Variants in ELFN1 observed in about 807,000 individuals in gnomAD.
ELFN1 encodes protein ELFN1.
In ELFN1, 6 loss-of-function variants were observed where a neutral mutation model predicts 7.6. That is an observed-to-expected ratio of 0.79 (90% CI 0.43 to 1.56). The LOEUF is 1.56. ELFN1 is among the 40% of genes most tolerant of loss of function. ELFN1 has a pLI of 0.01. For synonymous variants in ELFN1, 657 were observed against 588.1 expected (o/e 1.12, Z -1.70); for missense variants, 1,169 against 1,232.2 (o/e 0.95, Z 0.77).
chr7:1,667,775 G>T (rs904293661), upstream of ELFN1, among the ~76,000 whole-genome samples: 2 of 152,256 alleles, frequency 1.3e-5, no homozygotes, highest in East Asian at 1.9e-4. This position sits in a 1 kb window ranked among gnomAD's most constrained non-coding sequence, Gnocchi z 8.2. Context: ...TCCTCTCCCC[G>T]GTTCTGGGTC....
intron 1 of ELFN1, among the ~76,000 whole-genome samples, chr7:1,674,071 G>A (rs116492569): frequency 3.2e-4 from 48 of 151,814 alleles, no homozygotes; most frequent in African/African-American, 1.1e-3. Flanking sequence ...CCACTGCTCT[G>A]CTCCCTGCTC....
intron 1 of ELFN1, among the ~76,000 whole-genome samples, chr7:1,671,409 C>T (rs1015649790): frequency 6.6e-6 from 1 of 152,272 alleles, no homozygotes; most frequent in Non-Finnish European, 1.5e-5. Flanking sequence ...TTCCTGCACA[C>T]CCGGAGTGGG....
At chr7:1,710,610 G>A (rs1197355429) in intron 3 of ELFN1, among the ~76,000 whole-genome samples, 1 of 152,230 alleles carries the variant, frequency 6.6e-6, no homozygotes, top group African/African-American at 2.4e-5. Context: ...TGGGGAAACT[G>A]AGGCCCGGGG....
chr7:1,745,577 C>T lies in ELFN1; in HGVS notation c.981C>T (p.Asn327=). Residue 327 remains asparagine (N), a synonymous_variant, in exon 4 of 4, where the codon AAC becomes AAT. Coordinates refer to ENST00000424383, the MANE Select transcript of ELFN1 (RefSeq NM_001128636.4). Reference sequence around the variant, plus strand: ...TCAAGGTCAAGCAGCTCACTCAGAACTCGGCCACCATCACCGTCCAGCTGC... The same window carrying T: ...TCAAGGTCAAGCAGCTCACTCAGAATTCGGCCACCATCACCGTCCAGCTGC... ...PLIKVKQLTQ[N]SATITVQLPS... 6.4e-7 allele frequency: 1 copy of T among 1,550,662 alleles called. No homozygotes were observed. Among genetic ancestry groups the T allele is most frequent in the Non-Finnish European group, 8.7e-7 (1 of 1,146,962 alleles).
chr7:1,681,552 C>G (rs1462864558), intron 1 of ELFN1, among the ~76,000 whole-genome samples: 2 of 152,274 alleles, frequency 1.3e-5, no homozygotes, highest in East Asian at 3.9e-4. Context: ...TTAGTAGAGA[C>G]TGGGTCTCGC....
rs1477009408 is a variant in ELFN1, at chr7:1,746,038, C to T, written c.1442C>T (p.Ala481Val). The T allele has an allele frequency of 3.9e-6, 6 of 1,546,052 alleles. No individual in the cohort carries two copies. The East Asian group carries it at 1.5e-4, about 38-fold the overall frequency. ...CCAGAGCTGGAGGCGCCCGGCCTGG[C>T]CCCGCTGTCCCAGGGCCCGCTGCTG... ...YGPELEAPGL[A>V]PLSQGPLLGP... The change falls in exon 4 of 4, where the codon GCC becomes GTC. Residue 481 changes from alanine to valine, a missense_variant. Ala to Val is a moderately conservative substitution (Grantham distance 64). Coordinates refer to ENST00000424383, the MANE Select transcript of ELFN1 (RefSeq NM_001128636.4).
At chr7:1,721,227 C>T (rs1780012601) in intron 3 of ELFN1, among the ~76,000 whole-genome samples, 1 of 152,194 alleles carries the variant, frequency 6.6e-6, no homozygotes, top group Admixed American at 6.5e-5. Context: ...ATCACTCACT[C>T]ACCCTCCTCC....
intron 3 of ELFN1, among the ~76,000 whole-genome samples, chr7:1,711,611 AGAGAGAG>A (rs1779657861): frequency 6.7e-6 from 1 of 149,992 alleles, no homozygotes; most frequent in African/African-American, 2.5e-5. Context: ...AGAGAGAGAG[AGAGAGAG>A]AGAGAGAGAA....
intron 1 of ELFN1, among the ~76,000 whole-genome samples, chr7:1,686,028 T>C (rs1451426363): frequency 4.7e-5 from 7 of 148,648 alleles, no homozygotes; most frequent in Admixed American, 6.7e-5. Context: ...ATATCTAACA[T>C]CTGGGGACAC....
chr7:1,670,909 C>A lies in ELFN1; in HGVS notation c.-549+555C>A, dbSNP rs1184083424. Among the ~76,000 whole-genome samples the A allele has an allele frequency of 1.3e-5, 2 of 152,156 alleles. No individual in the cohort carries two copies. The highest frequency in any genetic ancestry group is 2.4e-5 in the African/African-American group (1 of 41,464). On this transcript the variant is annotated intron_variant, in intron 1 of 3. Coordinates refer to ENST00000424383, the MANE Select transcript of ELFN1 (RefSeq NM_001128636.4). The surrounding 1 kb of genome is among the most constrained non-coding windows in gnomAD (Gnocchi z 6.4). ...GAGGGGTCACATTCCTCGGTCCCAG[C>A]CCCTGAGTCCAACCACTGGCGGGGG...
At chr7:1,704,526 A>G (rs1292850060) in intron 2 of ELFN1, among the ~76,000 whole-genome samples, 4 of 152,128 alleles carry the variant, frequency 2.6e-5, no homozygotes, top group Non-Finnish European at 4.4e-5. Flanking sequence ...ACACAAAGCC[A>G]TGTGGGTCAC....
rs1180373522 is a variant in ELFN1, at chr7:1,700,109, CCTT to C, written c.-455-8979_-455-8977del. Among the ~76,000 whole-genome samples the C allele has an allele frequency of 1.1e-4, 17 of 152,214 alleles. 1 individual carries two copies. Among genetic ancestry groups the C allele is most frequent in the African/African-American group, 4.1e-4 (17 of 41,472 alleles). ...CATGGTTTTCTCTCTGGGATTCTCT[CCTT>C]CTGGTAGGTTCTCAGAAGTGGGGCT... is the stretch of plus-strand genomic sequence containing the variant. On this transcript the variant is annotated intron_variant, in intron 2 of 3. Coordinates refer to ENST00000424383, the MANE Select transcript of ELFN1 (RefSeq NM_001128636.4).
chr7:1,715,100 C>CCAA (rs1212932101), intron 3 of ELFN1, among the ~76,000 whole-genome samples: 1 of 152,198 alleles, frequency 6.6e-6, no homozygotes, highest in Non-Finnish European at 1.5e-5. Context: ...AAGGTAGCAG[C>CCAA]CAACAGCCTG....
At chr7:1,669,742 CT>C (rs1051834107), upstream of ELFN1, among the ~76,000 whole-genome samples, 66 of 152,332 alleles carry the variant, frequency 4.3e-4, no homozygotes, top group African/African-American at 1.5e-3. Context: ...TTCTCCGCCC[CT>C]AGGTCCCTGC....
At chr7:1,701,815 T>C (rs1183431391) in intron 2 of ELFN1, among the ~76,000 whole-genome samples, 3 of 152,180 alleles carry the variant, frequency 2.0e-5, no homozygotes, top group African/African-American at 7.2e-5. Context: ...TCCACAAATA[T>C]ATATTTGTAT....
intron 1 of ELFN1, among the ~76,000 whole-genome samples, chr7:1,674,826 G>C (rs1583305897): frequency 6.6e-6 from 1 of 152,282 alleles, no homozygotes; most frequent in Non-Finnish European, 1.5e-5. Flanking sequence ...GATGGGGACA[G>C]AGGAGGCACA....
chr7:1,715,218 T>C (rs1340883805), intron 3 of ELFN1, among the ~76,000 whole-genome samples: 1 of 152,192 alleles, frequency 6.6e-6, no homozygotes, highest in East Asian at 1.9e-4. Context: ...ATTTGCCAAG[T>C]AGTTGTTTGG....
chr7:1,706,878 C>G (rs1464485476), intron 2 of ELFN1, among the ~76,000 whole-genome samples: 1 of 152,200 alleles, frequency 6.6e-6, no homozygotes, highest in African/African-American at 2.4e-5. Flanking sequence ...CGAGGTGGTG[C>G]ATTGGATGCC....
intron 3 of ELFN1, among the ~76,000 whole-genome samples, chr7:1,737,476 G>C (rs1024457301): frequency 6.6e-6 from 1 of 152,132 alleles, no homozygotes; most frequent in Non-Finnish European, 1.5e-5. Flanking sequence ...TGTCCGAGGC[G>C]GGTGGGTCCC....
Sources: allele counts gnomAD v4.1 joint callset (sites outside exome capture counted in the v4.1 genomes callset), GRCh38; gene constraint gnomAD v4.1.1; non-coding constraint Gnocchi (gnomAD v3.1); transcripts MANE v1.5; gene names NCBI Gene and HGNC (gene_info 2026-07-23, HGNC 2026-07-21).